KLHL14: variants seen among roughly 807,000 people sequenced by gnomAD.
The protein encoded by KLHL14 is kelch-like protein 14.
A neutral mutation model predicts 64.3 loss-of-function variants in KLHL14; 22 were observed. That is an observed-to-expected ratio of 0.34 (90% confidence interval 0.24 to 0.49). The LOEUF (loss-of-function observed/expected upper bound fraction) is 0.49. Ranked by LOEUF, KLHL14 falls within the 20% of genes least tolerant of loss-of-function variation. The pLI is 0.99. For missense variants in KLHL14, 661 were observed against 789.0 expected (o/e 0.84, Z 1.94); for synonymous variants, 322 against 333.4 (o/e 0.97, Z 0.37).
chr18:32,717,553 A>G (rs1448875933), intron 3 of KLHL14, among the ~76,000 whole-genome samples: 2 of 152,202 alleles, frequency 1.3e-5, no homozygotes, highest in African/African-American at 4.8e-5. Context: ...AGGATTGGGC[A>G]TACGTAATCC....
At chr18:32,712,619 T>G (rs779707107) in intron 3 of KLHL14, among the ~76,000 whole-genome samples, 1 of 152,204 alleles carries the variant, frequency 6.6e-6, no homozygotes, top group Non-Finnish European at 1.5e-5. Flanking sequence ...AAAAAAGACA[T>G]CTCTTGAATC....
chr18:32,768,037 G>A (rs1229207040), intron 2 of KLHL14, among the ~76,000 whole-genome samples: 4 of 152,218 alleles, frequency 2.6e-5, no homozygotes, highest in African/African-American at 9.6e-5. Context: ...AAGGCCCATC[G>A]CCCATCACAC....
intron 3 of KLHL14, among the ~76,000 whole-genome samples, chr18:32,712,495 A>C (rs1318575003): frequency 6.6e-6 from 1 of 152,102 alleles, no homozygotes; most frequent in Non-Finnish European, 1.5e-5. Context: ...GTCCTCTCAA[A>C]TACTCAAGGA....
intron 2 of KLHL14, among the ~76,000 whole-genome samples, chr18:32,760,382 A>G (rs1291559348): frequency 2.0e-5 from 3 of 152,084 alleles, no homozygotes; most frequent in Admixed American, 6.5e-5. Flanking sequence ...ACACACAAAC[A>G]TGCACATCCA....
chr18:32,703,802 T>A (rs552725207), intron 3 of KLHL14, among the ~76,000 whole-genome samples: 3 of 152,332 alleles, frequency 2.0e-5, no homozygotes, highest in South Asian at 4.1e-4. Context: ...TTTGAATACT[T>A]CCTGGCATGC....
At chr18:32,769,129 AAAC>A (rs2050362756) in intron 2 of KLHL14, among the ~76,000 whole-genome samples, 1 of 152,214 alleles carries the variant, frequency 6.6e-6, no homozygotes, top group South Asian at 2.1e-4. Flanking sequence ...AGTCATGAAG[AAAC>A]AACTTGAGTG....
At chr18:32,704,452 G>A (rs1199382079) in intron 3 of KLHL14, among the ~76,000 whole-genome samples, 1 of 152,216 alleles carries the variant, frequency 6.6e-6, no homozygotes, top group Non-Finnish European at 1.5e-5. Context: ...GCCAGGCACA[G>A]TGGCTCACAC....
At position 32,680,548 on chromosome 18, in the gene KLHL14, A is replaced by G; in HGVS notation, c.1290T>C (p.Gly430=). Residue 430 remains glycine (G), a synonymous_variant, in exon 6 of 9, where the codon GGT becomes GGC. Coordinates refer to ENST00000359358, the MANE Select transcript of KLHL14 (RefSeq NM_020805.3). This position sits in a 1 kb window ranked among gnomAD's most constrained non-coding sequence, Gnocchi z 4.8. ...CRLDKHLYVI[G]GRNETGYLSS... The stretch of plus-strand genomic sequence containing the variant: ...ACAAGTAGCCAGTTTCATTCCTTCC[A>G]CCAATTACGTATAAATGCTTGTCCA... 6.2e-7 allele frequency: 1 copy of G among 1,613,508 alleles called. No individual in the cohort carries two copies. Among genetic ancestry groups the G allele is most frequent in the Non-Finnish European group, 8.5e-7 (1 of 1,179,812 alleles).
In KLHL14 at chr18:32,747,810, T is replaced by A. The variant is rs540547766; in HGVS notation, c.948-5761A>T. Among the ~76,000 whole-genome samples the A allele has an allele frequency of 8.1e-4, 123 of 152,302 alleles. 1 individual carries two copies. The highest frequency in any genetic ancestry group is 2.8e-3 in the African/African-American group (116 of 41,560). ...CTGATTATCAATATCAATCTTTTTTTAAAAAAACAAGTGTTTTCAAGCCAA... is the reference window on the plus strand; with the variant it reads ...CTGATTATCAATATCAATCTTTTTTAAAAAAAACAAGTGTTTTCAAGCCAA... On this transcript the variant is annotated intron_variant, in intron 2 of 8. Coordinates refer to ENST00000359358, the MANE Select transcript of KLHL14 (RefSeq NM_020805.3).
chr18:32,709,778 G>A (rs891302339), intron 3 of KLHL14, among the ~76,000 whole-genome samples: 1 of 152,124 alleles, frequency 6.6e-6, no homozygotes, highest in Admixed American at 6.5e-5. Context: ...AAAATGCTTT[G>A]CACATAGTGG....
At chr18:32,700,296 A>G (rs566646250) in intron 3 of KLHL14, among the ~76,000 whole-genome samples, 6 of 152,334 alleles carry the variant, frequency 3.9e-5, no homozygotes, top group East Asian at 1.9e-4. Context: ...TCTCAAATAC[A>G]TAAGCTTGCA....
chr18:32,688,102 A>G (rs115828500), intron 4 of KLHL14, among the ~76,000 whole-genome samples: 1,889 of 152,334 alleles, frequency 0.012, 44 homozygotes, highest in African/African-American at 0.044. Context: ...TAACATTAAA[A>G]CAAGAAATGG....
intron 4 of KLHL14, among the ~76,000 whole-genome samples, chr18:32,693,495 A>G: frequency 6.6e-6 from 1 of 152,050 alleles, no homozygotes; most frequent in East Asian, 1.9e-4. Flanking sequence ...ATTAAAATAT[A>G]GTAATTAAAG....
In KLHL14 at chr18:32,683,786, C is replaced by T. The variant is rs1025731067; in HGVS notation, c.1239-3187G>A. The stretch of plus-strand genomic sequence containing the variant: ...GGCCCTTGGAGTTGTCAGTTTATAT[C>T]CTAAAGCATGAGATTGGATTACTAT... On this transcript the variant is annotated intron_variant, in intron 5 of 8. Transcript: ENST00000359358. The surrounding 1 kb of genome is among the most constrained non-coding windows in gnomAD (Gnocchi z 4.2). 6.6e-6 allele frequency among the ~76,000 whole-genome samples: 1 copy of T among 152,166 alleles called. No individual in the cohort carries two copies. The highest frequency in any genetic ancestry group is 1.5e-5 in the Non-Finnish European group (1 of 68,036).
At chr18:32,767,163 C>A (rs1304414926) in intron 2 of KLHL14, among the ~76,000 whole-genome samples, 2 of 152,034 alleles carry the variant, frequency 1.3e-5, no homozygotes, top group African/African-American at 2.4e-5. Context: ...CACATTTATC[C>A]CCGTTAAATG....
At chr18:32,697,919 T>C (rs1190866504) in intron 3 of KLHL14, among the ~76,000 whole-genome samples, 2 of 152,178 alleles carry the variant, frequency 1.3e-5, no homozygotes, top group Non-Finnish European at 2.9e-5. Context: ...GTCTGCTATA[T>C]TTCTTGGGTG....
chr18:32,739,946 G>A (rs2050187354), intron 3 of KLHL14, among the ~76,000 whole-genome samples: 1 of 152,084 alleles, frequency 6.6e-6, no homozygotes, highest in Admixed American at 6.6e-5. Flanking sequence ...AATAGTACCT[G>A]CAACTTTTTG....
chr18:32,748,521 C>A (rs1271356986), intron 2 of KLHL14, among the ~76,000 whole-genome samples: 1 of 152,152 alleles, frequency 6.6e-6, no homozygotes, highest in Non-Finnish European at 1.5e-5. Context: ...AGGCGCCCGC[C>A]ATCACGCCTG....
chr18:32,725,013 C>A (rs1337530001), intron 3 of KLHL14, among the ~76,000 whole-genome samples: 1 of 143,220 alleles, frequency 7.0e-6, no homozygotes, highest in Non-Finnish European at 1.5e-5. Context: ...AAATTCCCCT[C>A]CCTTCCCTTT....
Sources: allele counts gnomAD v4.1 joint callset (sites outside exome capture counted in the v4.1 genomes callset), GRCh38; gene constraint gnomAD v4.1.1; non-coding constraint Gnocchi (gnomAD v3.1); transcripts MANE v1.5; gene names NCBI Gene and HGNC (gene_info 2026-07-23, HGNC 2026-07-21).